Variants in BCR observed in about 807,000 individuals in gnomAD.
BCR encodes the protein breakpoint cluster region protein.
A neutral mutation model predicts 138.6 loss-of-function variants in BCR; 58 were observed. The ratio of observed to expected loss-of-function variants is 0.42; its 90% CI spans 0.34 to 0.52. The LOEUF (loss-of-function observed/expected upper bound fraction) is 0.52. BCR is among the 20% of genes least tolerant of loss of function. The pLI, the probability that BCR is intolerant of heterozygous loss-of-function variation, is 0.06. For synonymous variants in BCR, 786 were observed against 730.1 expected (o/e 1.08, Z -1.23); for missense variants, 1,599 against 1,727.2 (o/e 0.93, Z 1.32).
intron 1 of BCR, among the ~76,000 whole-genome samples, chr22:23,204,383 C>G (rs1052904568): frequency 6.9e-6 from 1 of 145,334 alleles, no homozygotes; most frequent in Non-Finnish European, 1.5e-5. Context: ...TTTTAAGATC[C>G]GTTAGTTTTG....
intron 10 of BCR, among the ~76,000 whole-genome samples, chr22:23,285,705 A>G (rs2073704005): frequency 6.6e-6 from 1 of 152,210 alleles, no homozygotes; most frequent in East Asian, 1.9e-4. Context: ...ACACAGCACC[A>G]CAATAGGAAA....
chr22:23,197,124 A>G (rs5751607), intron 1 of BCR, among the ~76,000 whole-genome samples: 38,771 of 152,174 alleles, frequency 0.25, 5,129 homozygotes, highest in East Asian at 0.35. Context: ...AGATTATAAT[A>G]CTGTGTTTTT....
At chr22:23,219,685 C>G (rs1308118867) in intron 1 of BCR, among the ~76,000 whole-genome samples, 3 of 152,182 alleles carry the variant, frequency 2.0e-5, no homozygotes, top group African/African-American at 7.2e-5. Context: ...CTCTGAGAGT[C>G]CCCCGCCACC....
At chr22:23,201,258 C>T (rs78504817) in intron 1 of BCR, among the ~76,000 whole-genome samples, 10,174 of 152,140 alleles carry the variant, frequency 0.067, 1,162 homozygotes, top group African/African-American at 0.23. Context: ...AGGTGTTGGC[C>T]GGGGCTGCAT....
At chr22:23,295,241 C>T (rs1178466485) in intron 16 of BCR, 86 bp downstream of exon 16, 6 of 699,426 alleles carry the variant, frequency 8.6e-6, no homozygotes, top group East Asian at 5.6e-5. Context: ...TGGTCATGGC[C>T]TTGCACCCAG....
In BCR at chr22:23,253,682, C is replaced by T. The variant is rs115624242; in HGVS notation, c.1280-117C>T. Reference sequence around the variant, plus strand: ...AAGGGGACGTCAGCATACCCGAGGTCGTTGTGAGATGCCTGTTGGGGACAG... The same window carrying T: ...AAGGGGACGTCAGCATACCCGAGGTTGTTGTGAGATGCCTGTTGGGGACAG... On this transcript the variant is annotated intron_variant, in intron 1 of 22. Coordinates refer to ENST00000305877, the MANE Select transcript of BCR (RefSeq NM_004327.4). The T allele has an allele frequency of 5.1e-4, 630 of 1,232,250 alleles. 4 individuals carry two copies. The African/African-American group carries it at 8.5e-3, about 17-fold the overall frequency. 76.3% of individuals were successfully genotyped at this position (1,232,250 alleles called of 1,614,324 possible). A position where few individuals can be genotyped will look rare whatever the true frequency, so the allele number is the denominator to read the frequency against.
chr22:23,262,683 G>C (rs563743248), intron 4 of BCR: 3 of 674,882 alleles, frequency 4.4e-6, no homozygotes, highest in African/African-American at 1.9e-5. Context: ...GTGTGGGGCC[G>C]CCGGGAATGG....
intron 15 of BCR, among the ~76,000 whole-genome samples, chr22:23,292,877 G>T (rs1267101601): frequency 6.6e-6 from 1 of 152,226 alleles, no homozygotes; most frequent in Non-Finnish European, 1.5e-5. Context: ...TGCTGGAGAA[G>T]TGTTTGGAAA....
In BCR at chr22:23,261,417, C is replaced by G. The variant is rs751289487; in HGVS notation, c.1629C>G (p.Ile543Met). The G allele has an allele frequency of 1.2e-6, 2 of 1,613,852 alleles. No individual in the cohort carries two copies. The highest frequency in any genetic ancestry group is 1.7e-6 in the Non-Finnish European group (2 of 1,179,998). ...AGCCGGTGCTGACGAGTCAGCAGAT[C>G]GAGACCATCTTCTTCAAAGTGCCTG... is the stretch of plus-strand genomic sequence containing the variant. ...TSQPVLTSQQ[I>M]ETIFFKVPEL... The change falls in exon 4 of 23, where the codon ATC (isoleucine) becomes ATG (methionine). Residue 543 changes from isoleucine to methionine, a missense_variant. Coordinates refer to ENST00000305877, the MANE Select transcript of BCR (RefSeq NM_004327.4).
rs1048929591 is a variant in BCR, at chr22:23,273,453, T to C, written c.1975-181T>C. Among the ~76,000 whole-genome samples, 4 of 152,204 alleles carry C rather than the reference T, an allele frequency of 2.6e-5. No individual in the cohort carries two copies. The East Asian group carries it at 7.7e-4, about 29-fold the overall frequency. ...TTGCTGGAACACATGTAGGACCTGC[T>C]TCCAGGATGGTGCTCACACAAGCTC... On this transcript the variant is annotated intron_variant, in intron 7 of 22. Coordinates refer to ENST00000305877, the MANE Select transcript of BCR (RefSeq NM_004327.4).
chr22:23,291,414 G>A (rs1290128293), intron 14 of BCR, among the ~76,000 whole-genome samples: 1 of 151,796 alleles, frequency 6.6e-6, no homozygotes, highest in Non-Finnish European at 1.5e-5. Flanking sequence ...CCCTACACTT[G>A]GAATGGATGA....
At chr22:23,312,664 G>T (rs557435553) in intron 19 of BCR, 49 of 567,246 alleles carry the variant, frequency 8.6e-5, no homozygotes, top group Non-Finnish European at 1.5e-4. Context: ...ATCACATCAG[G>T]CCAAGCAGGG....
intron 8 of BCR, 53 bp from the exon 9 acceptor site, chr22:23,283,924 C>T: frequency 6.6e-7 from 1 of 1,516,938 alleles, no homozygotes; most frequent in East Asian, 2.4e-5. Flanking sequence ...GCCGAACACC[C>T]CCCACCCATC....
intron 1 of BCR, among the ~76,000 whole-genome samples, chr22:23,250,460 G>A (rs781505365): frequency 6.6e-6 from 1 of 152,218 alleles, no homozygotes; most frequent in Non-Finnish European, 1.5e-5. Context: ...GGAAAAGAGG[G>A]ATGAGGAAGG....
chr22:23,190,874 G>GTCAT (rs1295616034), intron 1 of BCR, among the ~76,000 whole-genome samples: 2 of 152,054 alleles, frequency 1.3e-5, no homozygotes, highest in Non-Finnish European at 2.9e-5. Context: ...GTGGGAACAG[G>GTCAT]TCATTGCTAA....
rs151218377 is a variant in BCR at position 23,270,696 on chromosome 22, C to T, written c.1861-836C>T. Among the ~76,000 whole-genome samples the T allele has an allele frequency of 5.3e-5, 8 of 152,360 alleles. No individual in the cohort carries two copies. In the East Asian group the frequency reaches 1.5e-3, roughly 29 times the overall value. On this transcript the variant is annotated intron_variant, in intron 5 of 22. Transcript: ENST00000305877. The stretch of plus-strand genomic sequence containing the variant: ...GCACAAGAGGTTGGCAGAGCAACCT[C>T]AGAACCTCTTCTGTCTCTGTTTATG...
intron 1 of BCR, among the ~76,000 whole-genome samples, chr22:23,193,323 G>A (rs1396972044): frequency 6.6e-6 from 1 of 152,252 alleles, no homozygotes; most frequent in Non-Finnish European, 1.5e-5. Flanking sequence ...CTTGCACAGG[G>A]ACTTAATTCT....
intron 1 of BCR, among the ~76,000 whole-genome samples, chr22:23,229,511 A>G (rs930846547): frequency 6.6e-6 from 1 of 152,000 alleles, no homozygotes; most frequent in East Asian, 1.9e-4. Context: ...TTAAACAGGC[A>G]GTCAACCCAG....
chr22:23,235,800 A>G (rs545180331), intron 1 of BCR, among the ~76,000 whole-genome samples: 1 of 152,324 alleles, frequency 6.6e-6, no homozygotes, highest in South Asian at 2.1e-4. Context: ...CCTGGTTCTT[A>G]GCCATCTTCT....
Sources: allele counts gnomAD v4.1 joint callset (sites outside exome capture counted in the v4.1 genomes callset), GRCh38; gene constraint gnomAD v4.1.1; transcripts MANE v1.5; gene names NCBI Gene and HGNC (gene_info 2026-07-23, HGNC 2026-07-21).